AKT2: variants seen among roughly 807,000 people sequenced by gnomAD.
AKT2 encodes the protein AKT serine/threonine kinase 2.
A neutral mutation model predicts 58.6 loss-of-function variants in AKT2; 16 were observed. The ratio of observed to expected loss-of-function variants is 0.27; its 90% confidence interval spans 0.18 to 0.41. AKT2 has a LOEUF of 0.41. Among genes scored for constraint, AKT2 ranks in the 10% least tolerant of loss-of-function variants. The probability of loss-of-function intolerance (pLI) is 1.00; values close to 1 mark genes in which losing one functional copy is unlikely to be tolerated. For missense variants in AKT2, 438 were observed against 661.0 expected (o/e 0.66, Z 3.70); for synonymous variants, 253 against 254.0 (o/e 1.00, Z 0.04).
chr19:40,233,554 C>T lies in AKT2; in HGVS notation c.*318G>A, dbSNP rs1409729149. 1 of 663,216 alleles carries T rather than the reference C, an allele frequency of 1.5e-6. No homozygotes were observed. Among genetic ancestry groups the T allele is most frequent in the Non-Finnish European group, 2.8e-6 (1 of 351,760 alleles). 41.1% of individuals were successfully genotyped at this position (663,216 alleles called of 1,614,324 possible). On this transcript the variant is annotated 3_prime_UTR_variant, in exon 14 of 14. Coordinates refer to ENST00000392038, the MANE Select transcript of AKT2 (RefSeq NM_001626.6). This position sits in a 1 kb window ranked among gnomAD's most constrained non-coding sequence, Gnocchi z 4.3. ...ACCCAGGCCAGAAACTCAGGCAGGC[C>T]CCAGGCGCCATGCTTCACCCCTCAC...
intron 1 of AKT2, among the ~76,000 whole-genome samples, chr19:40,278,897 C>T (rs2077374205): frequency 6.6e-6 from 1 of 151,708 alleles, no homozygotes. Context: ...AGAGGGGTGC[C>T]AAGAGCAGGG....
intron 7 of AKT2, chr19:40,239,198 T>C: frequency 1.9e-6 from 1 of 523,520 alleles, no homozygotes; most frequent in Non-Finnish European, 3.4e-6. Context: ...AACCATCTTG[T>C]CCTCTGCCTC....
chr19:40,270,322 C>A (rs891405779), intron 1 of AKT2, among the ~76,000 whole-genome samples: 1 of 152,246 alleles, frequency 6.6e-6, no homozygotes, highest in African/African-American at 2.4e-5. Flanking sequence ...TTAGCCACAG[C>A]TGGATCCCCA....
intron 4 of AKT2, among the ~76,000 whole-genome samples, chr19:40,253,424 T>C (rs555093910): frequency 3.9e-4 from 57 of 145,560 alleles, no homozygotes; most frequent in African/African-American, 1.3e-3. Context: ...AGCTAATACA[T>C]AAATAAGAAA....
chr19:40,268,079 G>A (rs949982266), intron 1 of AKT2, among the ~76,000 whole-genome samples: 1 of 152,110 alleles, frequency 6.6e-6, no homozygotes, highest in Non-Finnish European at 1.5e-5. Context: ...CTGGGCTATG[G>A]CTGGGACTGA....
In AKT2 at chr19:40,260,523, A is replaced by G. The variant is rs977557429; in HGVS notation, c.47-3469T>C. Among the ~76,000 whole-genome samples, 4 of 145,132 alleles carry G rather than the reference A, an allele frequency of 2.8e-5. No homozygotes were observed. The Admixed American group carries it at 2.8e-4, about 10-fold the overall frequency. ...CGCACACCTGTAGTCCCAGCTACTC[A>G]GGAGGCTGAGGCAGGAGAATCACTT... On this transcript the variant is annotated intron_variant, in intron 2 of 13. Transcript: ENST00000392038.
At chr19:40,257,195 C>T in intron 2 of AKT2, 141 bp from the exon 3 acceptor site, 2 of 1,174,622 alleles carry the variant, frequency 1.7e-6, no homozygotes, top group Admixed American at 3.7e-5. Flanking sequence ...ACGAGAATGC[C>T]TCTCCCAGAG....
chr19:40,238,528 C>T lies in AKT2; in HGVS notation c.708+377G>A, dbSNP rs1399747073. On this transcript the variant is annotated intron_variant, in intron 8 of 13. Transcript: ENST00000392038. The surrounding 1 kb of genome is among the most constrained non-coding windows in gnomAD (Gnocchi z 5.1). ...GACTCTGTAAGGGGAAGCTGAGCGGCTGCGGGAATTCACTTCGAGAGGACA... is the reference window on the plus strand; with the variant it reads ...GACTCTGTAAGGGGAAGCTGAGCGGTTGCGGGAATTCACTTCGAGAGGACA... 6.6e-6 allele frequency among the ~76,000 whole-genome samples: 1 copy of T among 152,192 alleles called. No homozygotes were observed. Among genetic ancestry groups the T allele is most frequent in the Non-Finnish European group, 1.5e-5 (1 of 68,036 alleles).
At chr19:40,270,375 A>G (rs1328343593) in intron 1 of AKT2, 1 of 151,620 alleles carries the variant, frequency 6.6e-6, no homozygotes, top group African/African-American at 2.4e-5. Context: ...TGGGTACTTA[A>G]TAAGTATCTG....
At chr19:40,273,652 G>A (rs1175316980) in intron 1 of AKT2, 1 of 152,110 alleles carries the variant, frequency 6.6e-6, no homozygotes, top group Non-Finnish European at 1.5e-5. Flanking sequence ...ACGGGGACAA[G>A]AATAAGCACA....
intron 4 of AKT2, among the ~76,000 whole-genome samples, chr19:40,246,776 T>C (rs1883972261): frequency 6.6e-6 from 1 of 152,248 alleles, no homozygotes; most frequent in African/African-American, 2.4e-5. Flanking sequence ...CTACTCCAGA[T>C]GGGAATCAGG....
chr19:40,257,644 T>A (rs1325826146), intron 2 of AKT2, among the ~76,000 whole-genome samples: 1 of 150,116 alleles, frequency 6.7e-6, no homozygotes, highest in Non-Finnish European at 1.5e-5. Flanking sequence ...AGAGAGCTGC[T>A]AAGGATTAAA....
intron 4 of AKT2, among the ~76,000 whole-genome samples, chr19:40,245,845 G>A (rs926180617): frequency 2.6e-5 from 4 of 152,128 alleles, no homozygotes; most frequent in Non-Finnish European, 4.4e-5. Flanking sequence ...AGATACTTGG[G>A]TAATGAAAGA....
intron 1 of AKT2, chr19:40,279,009 G>C (rs1213260346): frequency 6.6e-6 from 1 of 152,302 alleles, no homozygotes; most frequent in Non-Finnish European, 1.5e-5. Flanking sequence ...CTTGAAGCCA[G>C]GCTGGAGAAG....
intron 1 of AKT2, among the ~76,000 whole-genome samples, chr19:40,272,573 C>T (rs141514840): frequency 2.0e-4 from 31 of 152,292 alleles, no homozygotes; most frequent in Admixed American, 8.5e-4. Flanking sequence ...CTACAATATG[C>T]GTATTGTTTC....
At chr19:40,254,924 A>G (rs921012740) in intron 4 of AKT2, among the ~76,000 whole-genome samples, 4 of 151,980 alleles carry the variant, frequency 2.6e-5, no homozygotes, top group African/African-American at 9.7e-5. Flanking sequence ...CGGTCTAGAC[A>G]TTTCACGAGC....
chr19:40,256,453 T>C (rs1975548713), intron 3 of AKT2, among the ~76,000 whole-genome samples: 1 of 152,202 alleles, frequency 6.6e-6, no homozygotes. Context: ...AGCTTGGGGC[T>C]TGTGAAACTT....
intron 1 of AKT2, among the ~76,000 whole-genome samples, chr19:40,283,384 C>G (rs1194949038): frequency 6.6e-6 from 1 of 152,198 alleles, no homozygotes; most frequent in African/African-American, 2.4e-5. Context: ...CAGGAGAGGA[C>G]CAGAGGAACA....
intron 4 of AKT2, among the ~76,000 whole-genome samples, chr19:40,251,604 C>A (rs1272708358): frequency 6.6e-6 from 1 of 151,648 alleles, no homozygotes; most frequent in East Asian, 1.9e-4. Context: ...AAAAAAAAGA[C>A]AAAGGGCTGA....
Sources: gnomAD v4.1 joint callset for allele counts (sites outside exome capture counted in the v4.1 genomes callset) on GRCh38, gnomAD v4.1.1 for gene constraint, Gnocchi (gnomAD v3.1) non-coding constraint, MANE v1.5 for transcripts, NCBI Gene and HGNC (gene_info 2026-07-23, HGNC 2026-07-21) for gene names.